The following RNF10 variants were observed in gnomAD, a reference collection of about 807,000 sequenced individuals.
RNF10 encodes E3 ubiquitin-protein ligase RNF10.
Under a neutral mutation model 91.4 loss-of-function variants are expected in RNF10, and 38 were observed. The observed-to-expected ratio is 0.42, with a 90% confidence interval of 0.32 to 0.54. RNF10 has a LOEUF of 0.54. Among genes scored for constraint, RNF10 ranks in the 20% least tolerant of loss-of-function variants. The pLI is 0.16. For missense variants in RNF10, 945 were observed against 1,012.0 expected, an observed-to-expected ratio of 0.93 and a Z score of 0.90; for synonymous variants, 364 against 366.3, an observed-to-expected ratio of 0.99 and a Z score of 0.07.
At chr12:120,548,591 C>T (rs2137160409) in intron 2 of RNF10, among the ~76,000 whole-genome samples, 1 of 151,748 alleles carries the variant, frequency 6.6e-6, no homozygotes, top group South Asian at 2.1e-4. Context: ...AGTGGCTTTG[C>T]TCTAAAGGGG....
intron 2 of RNF10, among the ~76,000 whole-genome samples, chr12:120,550,175 T>A (rs1214505693): frequency 6.6e-6 from 1 of 152,192 alleles, no homozygotes; most frequent in Non-Finnish European, 1.5e-5. Context: ...CAGCCACATT[T>A]CAAGTGCTTA....
At chr12:120,552,817 C>G (rs571600752) in intron 3 of RNF10, 119 bp downstream of exon 3, 2 of 863,424 alleles carry the variant, frequency 2.3e-6, no homozygotes, top group East Asian at 5.3e-5. Context: ...GAATTGGTCT[C>G]GTTCTTTTTC....
chr12:120,562,241 G>A (rs944440119), intron 7 of RNF10, among the ~76,000 whole-genome samples: 13 of 149,144 alleles, frequency 8.7e-5, no homozygotes, highest in African/African-American at 3.2e-4. Flanking sequence ...GAACATGTGT[G>A]CGATATTTGG....
In RNF10 at chr12:120,577,421, C is replaced by T; in HGVS notation, c.*755C>T. 1 of 298,596 alleles carries T rather than the reference C, an allele frequency of 3.3e-6. No homozygotes were observed. Among genetic ancestry groups the T allele is most frequent in the Non-Finnish European group, 6.5e-6 (1 of 153,030 alleles). The allele number at this position is 298,596 out of a possible 1,614,324, so 18.5% of individuals were successfully genotyped here. Reference sequence around the variant, plus strand: ...CTGGTACAGCTGCAGGAGAGCAGGGCCATCTGAAGCGGTAGCATTGCCACC... The same window carrying T: ...CTGGTACAGCTGCAGGAGAGCAGGGTCATCTGAAGCGGTAGCATTGCCACC... On this transcript the variant is annotated 3_prime_UTR_variant, in exon 17 of 17. Transcript: ENST00000325954.
At chr12:120,552,075 C>T (rs1873184377) in intron 2 of RNF10, among the ~76,000 whole-genome samples, 1 of 134,820 alleles carries the variant, frequency 7.4e-6, no homozygotes, top group African/African-American at 2.7e-5. Flanking sequence ...CAGAGTGAGA[C>T]TCTGTCTCAA....
At chr12:120,537,161 C>T (rs1870942079) in intron 1 of RNF10, among the ~76,000 whole-genome samples, 1 of 151,850 alleles carries the variant, frequency 6.6e-6, no homozygotes, top group Admixed American at 6.6e-5. Flanking sequence ...AATAAATGAG[C>T]CGGGCGTGGT....
At chr12:120,553,880 T>C (rs1873559287) in intron 3 of RNF10, 2 of 151,434 alleles carry the variant, frequency 1.3e-5, no homozygotes, top group African/African-American at 4.8e-5. Flanking sequence ...GATGAACTGG[T>C]TTCAAATACT....
intron 2 of RNF10, among the ~76,000 whole-genome samples, chr12:120,551,124 C>T (rs1411611511): frequency 6.6e-6 from 1 of 150,914 alleles, no homozygotes; most frequent in Non-Finnish European, 1.5e-5. Context: ...TAGATGGGAC[C>T]ACAGGCATGC....
chr12:120,560,618 A>T, intron 6 of RNF10, 108 bp from the exon 7 acceptor site: 1 of 1,005,198 alleles, frequency 9.9e-7, no homozygotes, highest in Non-Finnish European at 1.5e-6. Flanking sequence ...ATGCTAAATT[A>T]CCCCATTTTC....
At chr12:120,538,832 C>T (rs781687166) in intron 1 of RNF10, among the ~76,000 whole-genome samples, 1 of 152,152 alleles carries the variant, frequency 6.6e-6, no homozygotes, top group Non-Finnish European at 1.5e-5. Flanking sequence ...GGCATTCTTC[C>T]TGTTATTCTG....
intron 4 of RNF10, among the ~76,000 whole-genome samples, chr12:120,555,338 C>T (rs530667752): frequency 4.0e-5 from 6 of 151,472 alleles, no homozygotes; most frequent in Admixed American, 6.6e-5. Context: ...CCCGCCACCA[C>T]GCCTGGCTAA....
chr12:120,559,842 C>T (rs1200901117), intron 6 of RNF10, among the ~76,000 whole-genome samples: 2 of 150,654 alleles, frequency 1.3e-5, no homozygotes, highest in African/African-American at 2.4e-5. Flanking sequence ...ATTATAGGCG[C>T]CCGTCACCAC....
intron 2 of RNF10, among the ~76,000 whole-genome samples, chr12:120,551,737 G>T (rs1476723992): frequency 1.3e-5 from 2 of 152,080 alleles, no homozygotes; most frequent in African/African-American, 4.8e-5. Flanking sequence ...GGGCTCAAGT[G>T]CCCCTCTTCA....
chr12:120,558,374 T>C (rs1034883565), intron 6 of RNF10, among the ~76,000 whole-genome samples: 3 of 151,940 alleles, frequency 2.0e-5, no homozygotes, highest in Admixed American at 2.0e-4. Flanking sequence ...GTGGTAAATG[T>C]GTGTGTGTAA....
intron 3 of RNF10, chr12:120,554,353 T>G (rs1292846429): frequency 4.6e-6 from 1 of 217,538 alleles, no homozygotes; most frequent in African/African-American, 2.4e-5. Context: ...GAACAGTCTT[T>G]TCAACTGCCT....
Position 120,556,631 on chromosome 12 carries a change from T to TA in RNF10, c.646-642dup, listed in dbSNP as rs756118625. ...CATAGCATAAAAACTTAAGTTTTAT[T>TA]AAAAAAAAATGAAGTCTTTTTAATG... On this transcript the variant is annotated intron_variant, in intron 4 of 16. Coordinates refer to ENST00000325954, the MANE Select transcript of RNF10 (RefSeq NM_014868.5). Among the ~76,000 whole-genome samples, 231 of 150,638 alleles carry TA rather than the reference T, an allele frequency of 1.5e-3. 1 individual carries two copies. Among genetic ancestry groups the TA allele is most frequent in the African/African-American group, 4.9e-3 (201 of 41,084 alleles).
intron 2 of RNF10, among the ~76,000 whole-genome samples, chr12:120,548,407 C>G (rs79245244): frequency 0.011 from 1,641 of 152,162 alleles, 31 homozygotes; most frequent in African/African-American, 0.037. Context: ...AGAGCACAGT[C>G]AGGGCGGGAG....
At chr12:120,540,336 G>A (rs1871370365) in intron 1 of RNF10, among the ~76,000 whole-genome samples, 1 of 152,092 alleles carries the variant, frequency 6.6e-6, no homozygotes, top group African/African-American at 2.4e-5. Flanking sequence ...CTGTGCAAGT[G>A]ATTCTGGTGT....
Position 120,535,693 on chromosome 12 carries a change from T to C in RNF10, c.157+725T>C, listed in dbSNP as rs190794306. Among the ~76,000 whole-genome samples the C allele has an allele frequency of 1.7e-4, 26 of 152,252 alleles. No homozygotes were observed. The East Asian group carries it at 3.1e-3, about 18-fold the overall frequency. On this transcript the variant is annotated intron_variant, in intron 1 of 16. Coordinates refer to ENST00000325954, the MANE Select transcript of RNF10 (RefSeq NM_014868.5). The stretch of plus-strand genomic sequence containing the variant: ...GCCAAATACACATAATGTCTATTGT[T>C]GTGTGTTGGACTATAGGATTGTCCT...
Sources: gnomAD v4.1 joint callset for allele counts (sites outside exome capture counted in the v4.1 genomes callset) on GRCh38, gnomAD v4.1.1 for gene constraint, MANE v1.5 for transcripts, NCBI Gene and HGNC (gene_info 2026-07-23, HGNC 2026-07-21) for gene names.